Variants in NRF1 observed in about 807,000 individuals in gnomAD.
NRF1 encodes the protein alpha palindromic-binding protein.
Under a neutral mutation model 58.5 loss-of-function variants are expected in NRF1, and 5 were observed. The ratio of observed to expected loss-of-function variants is 0.09; its 90% confidence interval spans 0.04 to 0.18. NRF1 has a LOEUF of 0.18. Ranked by LOEUF, NRF1 falls within the 10% of genes least tolerant of loss-of-function variation. The pLI is 1.00. For missense variants in NRF1, 288 were observed against 657.7 expected, an observed-to-expected ratio of 0.44 and a Z score of 6.15; for synonymous variants, 224 against 246.7, an observed-to-expected ratio of 0.91 and a Z score of 0.86.
intron 1 of NRF1, among the ~76,000 whole-genome samples, chr7:129,619,500 ATATATATATATATGTATTGTTTTG>A (rs1800743100): frequency 1.0e-5 from 1 of 98,294 alleles, no homozygotes; most frequent in Admixed American, 1.3e-4. Flanking sequence ...GTATATATAT[ATATATATATATATGTATTGTTTTG>A]CTGGGAACCA....
intron 1 of NRF1, among the ~76,000 whole-genome samples, chr7:129,624,382 A>G (rs1800870047): frequency 6.6e-6 from 1 of 152,216 alleles, no homozygotes; most frequent in African/African-American, 2.4e-5. Flanking sequence ...TGCCTGAGAC[A>G]TAGCAAGCAG....
chr7:129,722,986 A>C (rs970615900), intron 9 of NRF1, among the ~76,000 whole-genome samples: 4 of 152,236 alleles, frequency 2.6e-5, no homozygotes, highest in Admixed American at 6.5e-5. Context: ...TCTTCAGACT[A>C]TCACACAGCT....
intron 4 of NRF1, among the ~76,000 whole-genome samples, chr7:129,683,670 T>C (rs1459151272): frequency 7.3e-6 from 1 of 137,850 alleles, no homozygotes; most frequent in Non-Finnish European, 1.5e-5. Context: ...AGTCTCACTC[T>C]ATCACCCAGG....
At chr7:129,636,338 G>A (rs958366498) in intron 1 of NRF1, among the ~76,000 whole-genome samples, 7 of 151,886 alleles carry the variant, frequency 4.6e-5, no homozygotes, top group Admixed American at 3.9e-4. Context: ...GGGTTCAAGC[G>A]ATTCTTGTGT....
chr7:129,676,337 C>G (rs1450141558), intron 3 of NRF1, among the ~76,000 whole-genome samples: 1 of 152,236 alleles, frequency 6.6e-6, no homozygotes, highest in Non-Finnish European at 1.5e-5. Context: ...TCTTGGCTTT[C>G]AACATGCCTT....
intron 2 of NRF1, among the ~76,000 whole-genome samples, chr7:129,667,523 G>T (rs1801948831): frequency 6.6e-6 from 1 of 151,376 alleles, no homozygotes; most frequent in Non-Finnish European, 1.5e-5. Flanking sequence ...AATATGTATT[G>T]TAATTATTTT....
intron 10 of NRF1, among the ~76,000 whole-genome samples, chr7:129,749,604 A>G (rs1222619377): frequency 6.6e-6 from 1 of 152,100 alleles, no homozygotes; most frequent in East Asian, 1.9e-4. Flanking sequence ...ATTTTGACCA[A>G]TTCTATAAAC....
At position 129,644,329 on chromosome 7, in the gene NRF1, C is replaced by T. The variant is rs1290643532; in HGVS notation, c.-6-13017C>T. On this transcript the variant is annotated intron_variant, in intron 1 of 10. Coordinates refer to ENST00000393232, the MANE Select transcript of NRF1 (RefSeq NM_005011.5). Reference sequence around the variant, plus strand: ...ACAGCGTACTTTTGACTGTGAACGTCTGTAGGGCAAGGACAAAACGCTGAC... The same window carrying T: ...ACAGCGTACTTTTGACTGTGAACGTTTGTAGGGCAAGGACAAAACGCTGAC... Among the ~76,000 whole-genome samples the T allele has an allele frequency of 3.9e-5, 6 of 152,302 alleles. No homozygotes were observed. The Middle Eastern group carries it at 0.01, about 259-fold the overall frequency.
At position 129,630,624 on chromosome 7, in the gene NRF1, C is replaced by A. The variant is rs182856178; in HGVS notation, c.-7+18800C>A. Among the ~76,000 whole-genome samples the A allele has an allele frequency of 8.0e-4, 122 of 152,162 alleles. 1 individual carries two copies. The highest frequency in any genetic ancestry group is 5.2e-3 in the South Asian group (25 of 4,820). On this transcript the variant is annotated intron_variant, in intron 1 of 10. Coordinates refer to ENST00000393232, the MANE Select transcript of NRF1 (RefSeq NM_005011.5). ...TCTAAGTAATATGTTGGGCTTCTTT[C>A]TTGTTTTGTCGTTGTGAGGCATAGT...
At chr7:129,717,984 T>G (rs1278353211) in intron 9 of NRF1, among the ~76,000 whole-genome samples, 1 of 152,230 alleles carries the variant, frequency 6.6e-6, no homozygotes, top group Non-Finnish European at 1.5e-5. Flanking sequence ...TTGCCCTTGC[T>G]TATCAGCGAG....
intron 5 of NRF1, among the ~76,000 whole-genome samples, chr7:129,694,813 C>A (rs989907341): frequency 6.6e-6 from 1 of 152,192 alleles, no homozygotes; most frequent in African/African-American, 2.4e-5. Context: ...CAGATTGGTA[C>A]ACTTTCTCTA....
chr7:129,635,755 C>T (rs1443385597), intron 1 of NRF1, among the ~76,000 whole-genome samples: 3 of 152,074 alleles, frequency 2.0e-5, no homozygotes, highest in Non-Finnish European at 4.4e-5. Flanking sequence ...CTAGGTTTTG[C>T]AAGAGGACAT....
At chr7:129,625,597 C>G (rs1008828793) in intron 1 of NRF1, among the ~76,000 whole-genome samples, 1 of 151,632 alleles carries the variant, frequency 6.6e-6, no homozygotes, top group Non-Finnish European at 1.5e-5. Context: ...AACTCCTGGG[C>G]TCGGGCAGTC....
intron 1 of NRF1, among the ~76,000 whole-genome samples, chr7:129,652,529 G>T (rs902517660): frequency 6.6e-6 from 1 of 152,116 alleles, no homozygotes; most frequent in Non-Finnish European, 1.5e-5. Flanking sequence ...TTTTAATAAA[G>T]ATAATACAGG....
At chr7:129,735,366 C>G in intron 10 of NRF1, 1 of 320,776 alleles carries the variant, frequency 3.1e-6, no homozygotes, top group Non-Finnish European at 4.5e-6. Flanking sequence ...CCTGTCTATA[C>G]TAAAAATATA....
chr7:129,744,105 G>C, intron 10 of NRF1: 1 of 1,428,424 alleles, frequency 7.0e-7, no homozygotes, highest in Non-Finnish European at 9.4e-7. Flanking sequence ...GCCGCAGCGG[G>C]GCTGGTGGCC....
chr7:129,689,622 A>T (rs1802517796), intron 4 of NRF1, among the ~76,000 whole-genome samples: 1 of 152,196 alleles, frequency 6.6e-6, no homozygotes, highest in Non-Finnish European at 1.5e-5. Flanking sequence ...TCTGTTCATG[A>T]TCGAATGTGT....
At chr7:129,624,680 T>TATC (rs771979925) in intron 1 of NRF1, among the ~76,000 whole-genome samples, 2 of 152,060 alleles carry the variant, frequency 1.3e-5, no homozygotes, top group African/African-American at 4.8e-5. Context: ...TGAGCCTTTT[T>TATC]ATTATTATTA....
At chr7:129,703,752 A>G (rs1315010983) in intron 5 of NRF1, among the ~76,000 whole-genome samples, 2 of 152,206 alleles carry the variant, frequency 1.3e-5, no homozygotes, top group East Asian at 1.9e-4. Context: ...TTTAAAAGCT[A>G]TGATCTGCTC....
Sources: gnomAD v4.1 joint callset for allele counts (sites outside exome capture counted in the v4.1 genomes callset) on GRCh38, gnomAD v4.1.1 for gene constraint, MANE v1.5 for transcripts, NCBI Gene and HGNC (gene_info 2026-07-23, HGNC 2026-07-21) for gene names.